Variants in NCAM2 observed in about 807,000 individuals in gnomAD.
The protein encoded by NCAM2 is N-CAM-2.
NCAM2 carries 30 observed loss-of-function variants against 98.1 expected under a neutral mutation model. The ratio of observed to expected loss-of-function variants is 0.31; its 90% confidence interval spans 0.23 to 0.41. NCAM2 has a LOEUF of 0.41. Among genes scored for constraint, NCAM2 ranks in the 10% least tolerant of loss-of-function variants. The probability of loss-of-function intolerance (pLI) is 1.00; values close to 1 mark genes in which losing one functional copy is unlikely to be tolerated. For synonymous variants in NCAM2, 368 were observed against 342.4 expected (o/e 1.07, Z -0.83); for missense variants, 867 against 1,005.8 (o/e 0.86, Z 1.87).
intron 9 of NCAM2, among the ~76,000 whole-genome samples, chr21:21,387,707 A>C (rs2076299365): frequency 6.6e-6 from 1 of 152,152 alleles, no homozygotes; most frequent in Non-Finnish European, 1.5e-5. Flanking sequence ...TTGTAATTAA[A>C]TTTTTTCAAC....
intron 9 of NCAM2, among the ~76,000 whole-genome samples, chr21:21,376,188 G>A (rs182269244): frequency 3.9e-5 from 6 of 151,900 alleles, no homozygotes; most frequent in East Asian, 1.9e-4. Flanking sequence ...TTATTCAAGC[G>A]TATCCACATT....
chr21:21,066,722 A>G (rs902239766), intron 1 of NCAM2, among the ~76,000 whole-genome samples: 1 of 152,108 alleles, frequency 6.6e-6, no homozygotes, highest in African/African-American at 2.4e-5. Context: ...TTGGAACCAG[A>G]TTTACATTTG....
chr21:21,492,922 T>A (rs1986950607), intron 15 of NCAM2, among the ~76,000 whole-genome samples: 1 of 151,918 alleles, frequency 6.6e-6, no homozygotes, highest in Non-Finnish European at 1.5e-5. Flanking sequence ...CACCTAAATT[T>A]TACTATTGTT....
chr21:21,104,680 G>A (rs147366934), intron 1 of NCAM2, among the ~76,000 whole-genome samples: 37 of 152,086 alleles, frequency 2.4e-4, no homozygotes, highest in Middle Eastern at 6.8e-3. Context: ...AGGGCCTGTC[G>A]GTGGGGTGCA....
At chr21:21,325,045 A>T (rs2074478098) in intron 6 of NCAM2, among the ~76,000 whole-genome samples, 1 of 152,102 alleles carries the variant, frequency 6.6e-6, no homozygotes, top group Non-Finnish European at 1.5e-5. Flanking sequence ...TTATTTTTTT[A>T]GAATTTTAAA....
chr21:21,372,487 A>T (rs2075941999), intron 8 of NCAM2, among the ~76,000 whole-genome samples: 1 of 151,818 alleles, frequency 6.6e-6, no homozygotes, highest in South Asian at 2.1e-4. Context: ...TCTCAATCAA[A>T]TATCAGATGT....
intron 1 of NCAM2, among the ~76,000 whole-genome samples, chr21:21,200,954 C>T (rs1037437038): frequency 1.3e-5 from 2 of 151,924 alleles, no homozygotes; most frequent in Admixed American, 1.3e-4. Context: ...CATTATCTAT[C>T]AGAGTGCATA....
chr21:21,262,896 C>G (rs988537231), intron 1 of NCAM2, among the ~76,000 whole-genome samples: 3 of 152,040 alleles, frequency 2.0e-5, no homozygotes, highest in Non-Finnish European at 4.4e-5. Flanking sequence ...AGAAACTCCC[C>G]TTTTTAAAAT....
chr21:21,354,425 C>T (rs2075417802), intron 8 of NCAM2, among the ~76,000 whole-genome samples: 1 of 152,084 alleles, frequency 6.6e-6, no homozygotes, highest in Non-Finnish European at 1.5e-5. Context: ...TTTATTTATT[C>T]TTATCTGTAC....
chr21:21,196,951 A>G (rs1323648900), intron 1 of NCAM2, among the ~76,000 whole-genome samples: 1 of 152,060 alleles, frequency 6.6e-6, no homozygotes, highest in Non-Finnish European at 1.5e-5. Context: ...TGGAGCACGT[A>G]GCACCTTCCC....
chr21:21,088,970 C>CAAG (rs769220357), intron 1 of NCAM2, among the ~76,000 whole-genome samples: 31 of 138,820 alleles, frequency 2.2e-4, no homozygotes, highest in South Asian at 9.0e-4. Context: ...AACTCTGTCT[C>CAAG]AAAAAAAAAA....
chr21:21,324,202 A>T (rs2074450547), intron 5 of NCAM2, among the ~76,000 whole-genome samples, 181 bp from the exon 6 acceptor site: 1 of 152,200 alleles, frequency 6.6e-6, no homozygotes, highest in Non-Finnish European at 1.5e-5. Context: ...ATAAAAATAA[A>T]ATAAAAAAGA....
At chr21:21,136,934 A>C (rs921940595) in intron 1 of NCAM2, among the ~76,000 whole-genome samples, 1 of 151,578 alleles carries the variant, frequency 6.6e-6, no homozygotes, top group African/African-American at 2.4e-5. Flanking sequence ...CAAAAAAGCT[A>C]TAATTTTTAA....
At chr21:21,211,114 G>A (rs1478716758) in intron 1 of NCAM2, among the ~76,000 whole-genome samples, 1 of 151,614 alleles carries the variant, frequency 6.6e-6, no homozygotes, top group East Asian at 1.9e-4. Context: ...CTAAATAAAC[G>A]TGCAGATTAA....
chr21:21,533,432 A>T (rs1274794860), intron 16 of NCAM2, among the ~76,000 whole-genome samples: 1 of 151,626 alleles, frequency 6.6e-6, no homozygotes, highest in Non-Finnish European at 1.5e-5. Flanking sequence ...TTAAAGTTCT[A>T]TATATTTTCA....
At chr21:20,999,612 A>T (rs2063982444) in intron 1 of NCAM2, among the ~76,000 whole-genome samples, 1 of 152,250 alleles carries the variant, frequency 6.6e-6, no homozygotes, top group African/African-American at 2.4e-5. Flanking sequence ...ATTTTGAGAT[A>T]TGTAATGATT....
chr21:21,286,033 C>T (rs1006290184), intron 3 of NCAM2, among the ~76,000 whole-genome samples: 7 of 151,900 alleles, frequency 4.6e-5, no homozygotes, highest in African/African-American at 1.4e-4. Flanking sequence ...TGAGGAGATA[C>T]ACTCCAGTTT....
chr21:21,156,905 A>C (rs1488689905), intron 1 of NCAM2, among the ~76,000 whole-genome samples: 3 of 152,142 alleles, frequency 2.0e-5, no homozygotes, highest in African/African-American at 7.2e-5. Context: ...ATATCTTCTT[A>C]TTCATTAACT....
At chr21:21,080,327 G>T (rs889480689) in intron 1 of NCAM2, among the ~76,000 whole-genome samples, 1 of 151,962 alleles carries the variant, frequency 6.6e-6, no homozygotes. Flanking sequence ...CCCAATTAAA[G>T]ACTTCCTGGT....
Sources: gnomAD v4.1 joint callset for allele counts (sites outside exome capture counted in the v4.1 genomes callset) on GRCh38, gnomAD v4.1.1 for gene constraint, MANE v1.5 for transcripts, NCBI Gene and HGNC (gene_info 2026-07-23, HGNC 2026-07-21) for gene names.